The following ZNF624 variants were observed in gnomAD, a reference collection of about 807,000 sequenced individuals.
The protein encoded by ZNF624 is zinc finger protein 624.
In ZNF624, 43 loss-of-function variants were observed where a neutral mutation model predicts 74.7. That is an observed-to-expected ratio of 0.58 (90% confidence interval 0.45 to 0.74). The LOEUF is 0.74. Among genes scored for constraint, ZNF624 ranks in the 30% least tolerant of loss-of-function variants. The pLI, the probability that ZNF624 is intolerant of heterozygous loss-of-function variation, is 0.00. For missense variants in ZNF624, 820 were observed against 1,030.0 expected, an observed-to-expected ratio of 0.80 and a Z score of 2.79; for synonymous variants, 331 against 341.3, an observed-to-expected ratio of 0.97 and a Z score of 0.33.
intron 3 of ZNF624, among the ~76,000 whole-genome samples, chr17:16,638,317 G>A (rs1355976466): frequency 1.3e-5 from 2 of 152,096 alleles, no homozygotes; most frequent in African/African-American, 2.4e-5. Context: ...GATTCCTCAG[G>A]GATCTAGAAC....
intron 5 of ZNF624, among the ~76,000 whole-genome samples, chr17:16,625,210 C>G (rs1909041420): frequency 6.6e-6 from 1 of 151,990 alleles, no homozygotes. Flanking sequence ...GAGACAGATA[C>G]TTGCTGTGCC....
chr17:16,649,023 C>T (rs192031836), intron 2 of ZNF624, among the ~76,000 whole-genome samples: 119 of 152,324 alleles, frequency 7.8e-4, no homozygotes, highest in African/African-American at 2.7e-3. Context: ...TTAGCCCACA[C>T]TATCATCCCA....
In ZNF624 at chr17:16,623,501, T is replaced by G. The variant is rs774012248; in HGVS notation, c.1385A>C (p.His462Pro). The change falls in exon 6 of 6, where the codon CAT (histidine) becomes CCT (proline). Residue 462 changes from histidine (H) to proline (P), a missense_variant. Physicochemically the swap from His to Pro is moderately conservative, Grantham distance 77. Transcript: ENST00000311331. The surrounding 1 kb of genome is among the most constrained non-coding windows in gnomAD (Gnocchi z 5.3). ...TTTCTCTCCAGTATGAATCCTCTGA[T>G]GCACATTAAAAATTGTGGTATTCTT... is the stretch of plus-strand genomic sequence containing the variant. ...SFKNTTIFNV[H>P]QRIHTGEKPF... 1.2e-6 allele frequency: 2 copies of G among 1,611,040 alleles called. No homozygotes were observed.
chr17:16,617,771 G>T, downstream of ZNF624: 1 of 1,609,688 alleles, frequency 6.2e-7, no homozygotes, highest in Admixed American at 1.7e-5. Context: ...CCACGAAGCC[G>T]TAGCCATTTT....
At chr17:16,649,574 A>C in intron 2 of ZNF624, 84 bp downstream of exon 2, 1 of 1,215,750 alleles carries the variant, frequency 8.2e-7, no homozygotes, top group Non-Finnish European at 1.2e-6. Context: ...TGTCGGGGGA[A>C]GTAGAGAAGT....
intron 3 of ZNF624, among the ~76,000 whole-genome samples, chr17:16,640,520 C>T (rs1045775783): frequency 6.6e-6 from 1 of 150,836 alleles, no homozygotes; most frequent in Non-Finnish European, 1.5e-5. Context: ...GCTAGAGTGA[C>T]TAAGAAAAAA....
At position 16,623,838 on chromosome 17, in the gene ZNF624, G is replaced by A. The variant is rs1908992722; in HGVS notation, c.1048C>T (p.His350Tyr). 1.2e-6 allele frequency: 2 copies of A among 1,613,728 alleles called. No individual in the cohort carries two copies. Among genetic ancestry groups the A allele is most frequent in the African/African-American group, 1.3e-5 (1 of 74,880 alleles). ...TTCTCTTTAGTGTGAATTCTCTGATGTACCATAAGTGATGAAGAAGCAATG... is the reference window on the plus strand; with the variant it reads ...TTCTCTTTAGTGTGAATTCTCTGATATACCATAAGTGATGAAGAAGCAATG... ...AFIASSSLMVHQRIHTKEKPY... is the reference protein window; with the variant it reads ...AFIASSSLMVYQRIHTKEKPY... Residue 350 changes from histidine (H) to tyrosine (Y), a missense_variant, in exon 6 of 6, where the codon CAT (histidine) becomes TAT (tyrosine). Transcript: ENST00000311331. This position sits in a 1 kb window ranked among gnomAD's most constrained non-coding sequence, Gnocchi z 5.3.
intron 5 of ZNF624, among the ~76,000 whole-genome samples, chr17:16,628,660 G>T (rs74734809): frequency 6.6e-6 from 1 of 152,162 alleles, no homozygotes; most frequent in African/African-American, 2.4e-5. Flanking sequence ...CCAGGATAGG[G>T]TGAAAAGGTC....
At chr17:16,617,701 A>G, downstream of ZNF624, 1 of 1,604,994 alleles carries the variant, frequency 6.2e-7, no homozygotes, top group East Asian at 2.2e-5. Flanking sequence ...CGCTCGCCGC[A>G]GAGCTCCTCG....
downstream of ZNF624, among the ~76,000 whole-genome samples, chr17:16,618,592 C>A (rs1251961462): frequency 9.9e-5 from 15 of 152,060 alleles, no homozygotes; most frequent in African/African-American, 2.9e-4. Context: ...ATACAGTTTA[C>A]CCTTGAGCAC....
At chr17:16,620,042 G>A (rs557423765), downstream of ZNF624, among the ~76,000 whole-genome samples, 1 of 152,302 alleles carries the variant, frequency 6.6e-6, no homozygotes, top group East Asian at 1.9e-4. Context: ...TAACCAGAAT[G>A]TCAAATTGTT....
At chr17:16,636,068 T>C (rs566127741) in intron 3 of ZNF624, among the ~76,000 whole-genome samples, 1 of 152,240 alleles carries the variant, frequency 6.6e-6, no homozygotes, top group African/African-American at 2.4e-5. Flanking sequence ...TAGGGTCATA[T>C]CTAAGACACA....
Position 16,640,488 on chromosome 17 carries a change from A to G in ZNF624, c.154-5732T>C, listed in dbSNP as rs12451529. Among the ~76,000 whole-genome samples the G allele has an allele frequency of 3.7e-3, 561 of 152,206 alleles. 12 individuals carry two copies. The highest frequency in any genetic ancestry group is 0.033 in the Admixed American group (505 of 15,276). On this transcript the variant is annotated intron_variant, in intron 3 of 5. Coordinates refer to ENST00000311331, the MANE Select transcript of ZNF624 (RefSeq NM_020787.4). ...GGGCAAAAATTGGTTATTTGGAAAG[A>G]TAAAAAAATGGCAAACCCTTAGCTA...
intron 1 of ZNF624, among the ~76,000 whole-genome samples, chr17:16,653,181 G>A (rs1419935218): frequency 1.3e-5 from 2 of 152,244 alleles, no homozygotes; most frequent in Non-Finnish European, 2.9e-5. Context: ...TCATGTCAGG[G>A]AGTGACAAGT....
intron 3 of ZNF624, among the ~76,000 whole-genome samples, chr17:16,646,930 G>T (rs948108262): frequency 6.6e-6 from 1 of 151,796 alleles, no homozygotes; most frequent in African/African-American, 2.4e-5. Flanking sequence ...TATTTTTTCT[G>T]GAAAAATGAA....
At chr17:16,649,604 TA>T in intron 2 of ZNF624, 53 bp downstream of exon 2, 1 of 1,530,154 alleles carries the variant, frequency 6.5e-7, no homozygotes, top group Non-Finnish European at 9.1e-7. Flanking sequence ...TCAGGCAAAG[TA>T]AACATGCTCT....
chr17:16,619,833 G>C (rs959294783), downstream of ZNF624, among the ~76,000 whole-genome samples: 4 of 152,238 alleles, frequency 2.6e-5, no homozygotes, highest in Non-Finnish European at 5.9e-5. Context: ...TTTAGATGTA[G>C]TGAGGATTCG....
chr17:16,618,176 T>TAA (rs374433038), downstream of ZNF624, among the ~76,000 whole-genome samples: 8 of 148,070 alleles, frequency 5.4e-5, no homozygotes, highest in African/African-American at 1.5e-4. Flanking sequence ...CCATCTCTAC[T>TAA]AAAAAAAAAA....
At chr17:16,618,517 A>G (rs1406288642), downstream of ZNF624, among the ~76,000 whole-genome samples, 1 of 152,204 alleles carries the variant, frequency 6.6e-6, no homozygotes, top group Non-Finnish European at 1.5e-5. Context: ...TCATTCAACA[A>G]TGTATATGAA....
Sources: gnomAD v4.1 joint callset for allele counts (sites outside exome capture counted in the v4.1 genomes callset) on GRCh38, gnomAD v4.1.1 for gene constraint, Gnocchi (gnomAD v3.1) non-coding constraint, MANE v1.5 for transcripts, NCBI Gene and HGNC (gene_info 2026-07-23, HGNC 2026-07-21) for gene names.